The following LPA variants were observed in gnomAD, a reference collection of about 807,000 sequenced individuals.
LPA encodes the protein lipoprotein(a).
LPA carries 199 observed loss-of-function variants against 197.9 expected under a neutral mutation model. The ratio of observed to expected loss-of-function variants is 1.01; its 90% CI spans 0.90 to 1.13. LPA has a LOEUF of 1.13. Among genes scored for constraint, LPA ranks in the 50% most tolerant of loss-of-function variants. The pLI is 0.00. For synonymous variants in LPA, 715 were observed against 639.5 expected (o/e 1.12, Z -1.78); for missense variants, 1,853 against 1,785.8 (o/e 1.04, Z -0.68).
chr6:160,643,127 T>C (rs1779869248), intron 4 of LPA, among the ~76,000 whole-genome samples: 2 of 149,408 alleles, frequency 1.3e-5, no homozygotes, highest in African/African-American at 2.4e-5. Context: ...GCTCATTCTG[T>C]AGGTTCTCTA....
chr6:160,595,513 T>C lies in LPA; in HGVS notation c.3310A>G (p.Arg1104Gly), dbSNP rs1289751819. 3.1e-6 allele frequency: 5 copies of C among 1,614,030 alleles called. No homozygotes were observed. In the Admixed American group the frequency reaches 8.3e-5, roughly 27 times the overall value. The change falls in exon 21 of 39, where the codon AGG becomes GGG. Residue 1104 changes from arginine to glycine, a missense_variant. Physicochemically the swap from Arg to Gly is moderately radical, Grantham distance 125 (BLOSUM62 -2). Transcript: ENST00000316300. The part of the protein sequence containing the change: ...PNAGLTRNYC[R>G]NPDAEIRPWC... ...GGGCGAATCTCAGCATCTGGATTCCTGCAGTAGTTCCTGGTCAGGCCACTG... is the reference window on the plus strand; with the variant it reads ...GGGCGAATCTCAGCATCTGGATTCCCGCAGTAGTTCCTGGTCAGGCCACTG...
At chr6:160,556,571 C>T (rs41264318) in intron 29 of LPA, among the ~76,000 whole-genome samples, 177 of 152,230 alleles carry the variant, frequency 1.2e-3, no homozygotes, top group African/African-American at 4.2e-3. Context: ...CATGAAAACC[C>T]TGCACAGTTC....
Position 160,589,588 on chromosome 6 carries a change from G to A in LPA, c.3912C>T (p.His1304=), listed in dbSNP as rs1167749025. 6.2e-7 allele frequency: 1 copy of A among 1,613,820 alleles called. No individual in the cohort carries two copies. Among genetic ancestry groups the A allele is most frequent in the Non-Finnish European group, 8.5e-7 (1 of 1,179,864 alleles). ...TCQSWSSMTP[H]WHQRTTEYYP... Reference sequence around the variant, plus strand: ...AGTATTCTGTGGTTCTCTGATGCCAGTGTGGTGTCATAGAGGACCAAGACT... The same window carrying A: ...AGTATTCTGTGGTTCTCTGATGCCAATGTGGTGTCATAGAGGACCAAGACT... The change falls in exon 24 of 39, where the codon CAC becomes CAT. Residue 1304 remains histidine, a synonymous_variant. Coordinates refer to ENST00000316300, the MANE Select transcript of LPA (RefSeq NM_005577.4).
In LPA at chr6:160,650,332, A is replaced by T. The variant is rs769648669; in HGVS notation, c.209+6T>A. On this transcript the variant is annotated splice_donor_region_variant and intron_variant, in intron 2 of 38. Transcript: ENST00000316300. ...TGTTTTGCTTACTGTAAGATTAATGACATACGCATTTGGGTAGTTTTCTGT... is the reference window on the plus strand; with the variant it reads ...TGTTTTGCTTACTGTAAGATTAATGTCATACGCATTTGGGTAGTTTTCTGT... The T allele has an allele frequency of 6.2e-7, 1 of 1,612,978 alleles. No homozygotes were observed. The highest frequency in any genetic ancestry group is 1.3e-5 in the African/African-American group (1 of 75,012).
chr6:160,540,634 C>G (rs1267681829), intron 35 of LPA, among the ~76,000 whole-genome samples: 3 of 152,228 alleles, frequency 2.0e-5, no homozygotes, highest in African/African-American at 4.8e-5. Context: ...GACATGCCTG[C>G]TCCCACTTTG....
At chr6:160,564,412 G>A (rs1778414437) in intron 28 of LPA, among the ~76,000 whole-genome samples, 1 of 152,104 alleles carries the variant, frequency 6.6e-6, no homozygotes, top group South Asian at 2.1e-4. Flanking sequence ...GGCACTGGAT[G>A]TTTCCTGCCC....
At chr6:160,641,037 T>A (rs1189099944) in intron 4 of LPA, among the ~76,000 whole-genome samples, 189 bp from the exon 5 acceptor site, 3 of 138,796 alleles carry the variant, frequency 2.2e-5, no homozygotes, top group Non-Finnish European at 4.7e-5. Context: ...TCTCTCATAC[T>A]TAATAGATTA....
intron 22 of LPA, among the ~76,000 whole-genome samples, chr6:160,592,653 C>T (rs1779051317): frequency 6.6e-6 from 1 of 152,138 alleles, no homozygotes; most frequent in Non-Finnish European, 1.5e-5. Context: ...AACTTGTATT[C>T]GTTCCTTACC....
rs780698636 is a variant in LPA at position 160,664,264 on chromosome 6, T to C, written c.-50A>G. 25 of 1,580,476 alleles carry C rather than the reference T, an allele frequency of 1.6e-5. No homozygotes were observed. Among genetic ancestry groups the C allele is most frequent in the Non-Finnish European group, 2.1e-5 (24 of 1,160,596 alleles). On this transcript the variant is annotated 5_prime_UTR_variant, in exon 1 of 39. The change abolishes an upstream ATG in the 5' untranslated region. Transcript: ENST00000316300. ...GAAAGTGTGTCCCAATCCCAGGACATTGTTGACTTACATGAGAGTAAACGC... is the reference window on the plus strand; with the variant it reads ...GAAAGTGTGTCCCAATCCCAGGACACTGTTGACTTACATGAGAGTAAACGC...
intron 29 of LPA, among the ~76,000 whole-genome samples, 168 bp downstream of exon 29, chr6:160,557,222 G>T (rs1479738115): frequency 6.6e-5 from 10 of 151,978 alleles, no homozygotes; most frequent in Non-Finnish European, 1.5e-4. Flanking sequence ...CACCGCCCAC[G>T]CACGTTGCGC....
intron 28 of LPA, among the ~76,000 whole-genome samples, chr6:160,558,563 C>T (rs1043896796): frequency 4.2e-4 from 64 of 152,202 alleles, no homozygotes; most frequent in Admixed American, 3.5e-3. Context: ...CTGGGCAGGA[C>T]CACCTCTCCT....
At chr6:160,536,321 C>T (rs1777894813) in intron 37 of LPA, among the ~76,000 whole-genome samples, 1 of 152,118 alleles carries the variant, frequency 6.6e-6, no homozygotes, top group Admixed American at 6.6e-5. Context: ...TTGCTTAATC[C>T]AATTTGAGTT....
intron 1 of LPA, 115 bp downstream of exon 1, chr6:160,664,051 G>C: frequency 7.8e-7 from 1 of 1,284,228 alleles, no homozygotes; most frequent in South Asian, 1.3e-5. Context: ...ATTTTGAACT[G>C]GGAATTTCAT....
intron 30 of LPA, among the ~76,000 whole-genome samples, chr6:160,554,526 A>G (rs534108956): frequency 2.0e-5 from 3 of 152,056 alleles, no homozygotes; most frequent in Admixed American, 6.5e-5. Context: ...CATAAATCCT[A>G]CTCCTAAAGT....
At position 160,537,956 on chromosome 6, in the gene LPA, G is replaced by A; in HGVS notation, c.5741C>T (p.Ala1914Val). ...DIALLKLSRP[A>V]VITDKVMPAC... ...TGGCATTACTTTGTCAGTGATGACG[G>A]CAGGCCTGTAAGGAAAGTATTAGCA... The change falls in exon 37 of 39, where the codon GCC becomes GTC. Residue 1914 changes from alanine (A) to valine (V), a missense_variant. Around this residue, in one of 3 missense-constraint regions of LPA, gnomAD observed 1,737 missense variants for 1,504.4 expected, o/e 1.15. Transcript: ENST00000316300. The A allele has an allele frequency of 6.2e-7, 1 of 1,614,034 alleles. No individual in the cohort carries two copies. The highest frequency in any genetic ancestry group is 8.5e-7 in the Non-Finnish European group (1 of 1,179,888).
At position 160,646,884 on chromosome 6, in the gene LPA, A is replaced by C. The variant is rs375269792; in HGVS notation, c.210-489T>G. ...AGTTCTTCAGAGAAAACATGGCATC[A>C]AGGAGGATAACCTTTCCAGGTCAAC... is the stretch of plus-strand genomic sequence containing the variant. On this transcript the variant is annotated intron_variant, in intron 2 of 38. Coordinates refer to ENST00000316300, the MANE Select transcript of LPA (RefSeq NM_005577.4). Among the ~76,000 whole-genome samples, 1,042 of 149,496 alleles carry C rather than the reference A, an allele frequency of 7.0e-3. 9 individuals are homozygous for C. Among genetic ancestry groups the C allele is most frequent in the South Asian group, 0.012 (58 of 4,740 alleles).
intron 1 of LPA, among the ~76,000 whole-genome samples, chr6:160,654,035 T>C (rs7739439): frequency 1.9e-4 from 2 of 10,370 alleles, no homozygotes; most frequent in African/African-American, 1.4e-3. Context: ...ATAATATATA[T>C]TATATATAAT....
chr6:160,589,969 G>A (rs1245937926), intron 23 of LPA, among the ~76,000 whole-genome samples: 1 of 152,212 alleles, frequency 6.6e-6, no homozygotes, highest in African/African-American at 2.4e-5. Flanking sequence ...AGTCAAAATT[G>A]CACTCATGTG....
intron 28 of LPA, among the ~76,000 whole-genome samples, chr6:160,569,296 G>GACCTAAAACCATA (rs1436685822): frequency 2.6e-5 from 4 of 151,890 alleles, no homozygotes; most frequent in Non-Finnish European, 1.5e-5. Context: ...ATAGACCAAT[G>GACCTAAAACCATA]GAACAGAACA....
Sources: allele counts gnomAD v4.1 joint callset (sites outside exome capture counted in the v4.1 genomes callset), GRCh38; gene constraint gnomAD v4.1.1; regional missense constraint gnomAD v4.1.1; transcripts MANE v1.5; gene names NCBI Gene and HGNC (gene_info 2026-07-23, HGNC 2026-07-21).